Variants in DGKK observed in about 807,000 individuals in gnomAD.
DGKK encodes diacylglycerol kinase kappa, also known as 142 kDa diacylglycerol kinase.
DGKK carries 35 observed loss-of-function variants against 92.2 expected under a neutral mutation model. That is an observed-to-expected ratio of 0.38 (90% confidence interval 0.29 to 0.50). DGKK has a LOEUF of 0.50. Among genes scored for constraint, DGKK ranks in the 20% least tolerant of loss-of-function variants. DGKK has a pLI of 0.92. For missense variants in DGKK, 910 were observed against 992.2 expected (o/e 0.92, Z 1.11); for synonymous variants, 368 against 360.6 (o/e 1.02, Z -0.23).
At chrX:50,462,889 T>C (rs1008725462) in intron 1 of DGKK, among the ~76,000 whole-genome samples, 1 of 50,858 alleles carries the variant, frequency 2.0e-5, no homozygotes, top group Non-Finnish European at 3.3e-5. Context: ...TTGCTTTTTT[T>C]TTTTTTTTTT....
intron 8 of DGKK, among the ~76,000 whole-genome samples, chrX:50,395,617 C>A (rs1557226022): frequency 9.0e-6 from 1 of 111,093 alleles, no homozygotes; most frequent in Admixed American, 9.6e-5. Flanking sequence ...CAAAATGAAT[C>A]ATTCAAAAAC....
At chrX:50,442,637 A>T (rs1238853074) in intron 1 of DGKK, among the ~76,000 whole-genome samples, 1 of 111,467 alleles carries the variant, frequency 9.0e-6, no homozygotes, top group Non-Finnish European at 1.9e-5. Context: ...TATGTATTAC[A>T]TTTCTATTGT....
In DGKK at chrX:50,390,371, G is replaced by A. The variant is rs1557225395; in HGVS notation, c.1883C>T (p.Pro628Leu). 15 of 1,211,188 alleles carry A rather than the reference G, an allele frequency of 1.2e-5. No homozygotes were observed. Among genetic ancestry groups the A allele is most frequent in the East Asian group, 8.9e-5 (3 of 33,832 alleles). Reference protein sequence around the residue: ...VMIRETPRQTPLLKGQVEMDV... With the variant: ...VMIRETPRQTLLLKGQVEMDV... ...CATTTCAACCTGTCCTTTTAGCAGC[G>A]GGGTTTGTCTGGGAGTCTCACGAAT... The change falls in exon 12 of 28, where the codon CCG (proline) becomes CTG (leucine). Residue 628 changes from proline to leucine, a missense_variant. Transcript: ENST00000611977.
chrX:50,440,577 A>T (rs1926147772), intron 1 of DGKK, among the ~76,000 whole-genome samples: 1 of 111,756 alleles, frequency 8.9e-6, no homozygotes, highest in Admixed American at 9.5e-5. Context: ...ATGTAGAGTT[A>T]TACAGTGACA....
At chrX:50,453,828 C>T (rs1330232559) in intron 1 of DGKK, among the ~76,000 whole-genome samples, 1 of 109,843 alleles carries the variant, frequency 9.1e-6, no homozygotes, top group Non-Finnish European at 1.9e-5. Flanking sequence ...TGCAGACCCT[C>T]GGATGGCACC....
rs782659133 is a variant in DGKK, at chrX:50,387,674, G to C, written c.2019-21C>G. The C allele has an allele frequency of 2.7e-6, 3 of 1,102,296 alleles. No homozygotes were observed. In the Admixed American group the frequency reaches 6.7e-5, roughly 25 times the overall value. 90.8% of individuals were successfully genotyped at this position (1,102,296 alleles called of 1,213,427 possible). ...AGAATCTGGAAAGATAAAATAGATG[G>C]CACAATGTTACATGAACCATGAGGC... On this transcript the variant is annotated intron_variant, in intron 13 of 27. Coordinates refer to ENST00000611977, the MANE Select transcript of DGKK (RefSeq NM_001013742.4).
intron 1 of DGKK, among the ~76,000 whole-genome samples, chrX:50,459,848 G>A (rs1191299348): frequency 9.0e-6 from 1 of 111,193 alleles, no homozygotes; most frequent in African/African-American, 3.3e-5. Flanking sequence ...AGTGAGAAGG[G>A]TACCAACTTG....
At chrX:50,456,022 C>A (rs1205562154) in intron 1 of DGKK, among the ~76,000 whole-genome samples, 1 of 111,952 alleles carries the variant, frequency 8.9e-6, no homozygotes. Context: ...ATATAGTGCA[C>A]AACCTGTACA....
rs189072853 is a variant in DGKK at position 50,401,050 on chromosome X, G to A, written c.1398C>T (p.Asp466=). 1 of 1,198,592 alleles carries A rather than the reference G, an allele frequency of 8.3e-7. No individual in the cohort carries two copies. The highest frequency in any genetic ancestry group is 1.1e-6 in the Non-Finnish European group (1 of 888,555). Residue 466 remains aspartate, a synonymous_variant, in exon 8 of 28, where the codon GAC becomes GAT. Coordinates refer to ENST00000611977, the MANE Select transcript of DGKK (RefSeq NM_001013742.4). ...SSVIPPTALS[D]PKGDGQLVVS... ...TTAACTACTCACCATCGCCTTTGGG[G>A]TCGCTTAGAGCAGTGGGAGGAATGA...
intron 25 of DGKK, among the ~76,000 whole-genome samples, chrX:50,374,415 A>T (rs782002536): frequency 8.9e-6 from 1 of 111,824 alleles, no homozygotes; most frequent in Non-Finnish European, 1.9e-5. Context: ...CCCTGCTGAC[A>T]CCTTGATTTG....
At position 50,368,874 on chromosome X, in the gene DGKK, T is replaced by A; in HGVS notation, c.*66A>T. Reference sequence around the variant, plus strand: ...TTCTGAAATGATTTAGTCTAGCCTGTATTGAGGTTTTGAGAGTTTTTTTAG... The same window carrying A: ...TTCTGAAATGATTTAGTCTAGCCTGAATTGAGGTTTTGAGAGTTTTTTTAG... On this transcript the variant is annotated 3_prime_UTR_variant, in exon 28 of 28. Transcript: ENST00000611977. The A allele has an allele frequency of 1.1e-6, 1 of 931,498 alleles. No individual in the cohort carries two copies. Among genetic ancestry groups the A allele is most frequent in the Non-Finnish European group, 1.5e-6 (1 of 651,429 alleles). 76.8% of individuals were successfully genotyped at this position (931,498 alleles called of 1,213,427 possible).
At chrX:50,428,046 G>A (rs1325048581) in intron 1 of DGKK, among the ~76,000 whole-genome samples, 2 of 110,199 alleles carry the variant, frequency 1.8e-5, no homozygotes, top group East Asian at 5.7e-4. Context: ...AAAAAGAGAT[G>A]GCAGAAATGA....
chrX:50,466,904 A>G (rs1227739078), intron 1 of DGKK, among the ~76,000 whole-genome samples: 2 of 112,146 alleles, frequency 1.8e-5, no homozygotes, highest in African/African-American at 6.5e-5. Flanking sequence ...TGCAGTCATC[A>G]GGAGGGATAC....
rs782657804 is a variant in DGKK at position 50,384,222 on chromosome X, C to T, written c.2495G>A (p.Ser832Asn). 5 of 1,183,766 alleles carry T rather than the reference C, an allele frequency of 4.2e-6. No individual in the cohort carries two copies. The South Asian group carries it at 9.4e-5, about 22-fold the overall frequency. ...CAAGTTAAGGTTGTCCAGGTCCTCACTTTTGAGAGAAGATATAGAAGACAA... is the reference window on the plus strand; with the variant it reads ...CAAGTTAAGGTTGTCCAGGTCCTCATTTTTGAGAGAAGATATAGAAGACAA... ...GTLSSISSLK[S>N]EDLDNLNLDH... Residue 832 changes from serine to asparagine, a missense_variant, in exon 17 of 28, where the codon AGT (serine) becomes AAT (asparagine). By Grantham distance (46) the Ser-to-Asn change is conservative. Transcript: ENST00000611977.
At chrX:50,395,118 G>T (rs1359927636) in intron 8 of DGKK, among the ~76,000 whole-genome samples, 2 of 111,168 alleles carry the variant, frequency 1.8e-5, no homozygotes, top group Non-Finnish European at 3.8e-5. Context: ...AAAATAAGGG[G>T]AAGACTGTTC....
At chrX:50,443,654 G>C (rs1311747970) in intron 1 of DGKK, among the ~76,000 whole-genome samples, 1 of 109,504 alleles carries the variant, frequency 9.1e-6, no homozygotes, top group Non-Finnish European at 1.9e-5. Context: ...AATGACATTG[G>C]TACAATCCAT....
At chrX:50,424,021 G>C (rs1403853422) in intron 2 of DGKK, among the ~76,000 whole-genome samples, 1 of 111,041 alleles carries the variant, frequency 9.0e-6, no homozygotes, top group Admixed American at 9.6e-5. Context: ...GTTGGTTCTG[G>C]GTGCAGAAGC....
intron 1 of DGKK, among the ~76,000 whole-genome samples, chrX:50,448,945 T>C (rs1463044869): frequency 9.0e-6 from 1 of 111,632 alleles, no homozygotes; most frequent in East Asian, 2.8e-4. Flanking sequence ...TTAGAATGAA[T>C]TGAGTGGCAT....
At chrX:50,407,441 T>C (rs1602282006) in intron 4 of DGKK, among the ~76,000 whole-genome samples, 2 of 111,281 alleles carry the variant, frequency 1.8e-5, no homozygotes, top group South Asian at 7.7e-4. Flanking sequence ...CTTCTCACTG[T>C]GTACTCTTGT....
Sources: gnomAD v4.1 joint callset for allele counts (sites outside exome capture counted in the v4.1 genomes callset) on GRCh38, gnomAD v4.1.1 for gene constraint, MANE v1.5 for transcripts, NCBI Gene and HGNC (gene_info 2026-07-23, HGNC 2026-07-21) for gene names.